The following HYCC2 variants were observed in gnomAD, a reference collection of about 807,000 sequenced individuals.
The protein encoded by HYCC2 is hyccin PI4KA lipid kinase complex subunit 2, also known as hyccin 2.
the HYCC2 span, among the ~76,000 whole-genome samples, chr2:201,071,079 A>C: frequency 1.3e-5 from 2 of 152,172 alleles, no homozygotes; most frequent in East Asian, 3.8e-4. Flanking sequence ...CCCAGGAGGG[A>C]CAACCTAGTT....
chr2:201,024,463 T>A, the HYCC2 span, among the ~76,000 whole-genome samples: 1 of 151,852 alleles, frequency 6.6e-6, no homozygotes, highest in Non-Finnish European at 1.5e-5. Flanking sequence ...CATTCTGGCC[T>A]GGGCGACAGA....
chr2:200,986,455 T>C, the HYCC2 span, among the ~76,000 whole-genome samples: 1 of 152,090 alleles, frequency 6.6e-6, no homozygotes, highest in East Asian at 1.9e-4. Flanking sequence ...AAATAATTTT[T>C]AAAAAAACTG....
chr2:200,976,781 T>G, the HYCC2 span: 1 of 152,168 alleles, frequency 6.6e-6, no homozygotes. Context: ...ATAGAACCTT[T>G]TTCAATCATA....
At chr2:201,022,903 A>G in the HYCC2 span, 15 of 1,613,638 alleles carry the variant, frequency 9.3e-6, no homozygotes, top group Non-Finnish European at 5.1e-6. Flanking sequence ...AAGTTGCTGC[A>G]TAACTGGTGA....
At chr2:201,025,067 C>T in the HYCC2 span, among the ~76,000 whole-genome samples, 1 of 152,132 alleles carries the variant, frequency 6.6e-6, no homozygotes, top group African/African-American at 2.4e-5. Context: ...GAGCCATGTT[C>T]ACACCACTGC....
At chr2:200,996,848 G>C in the HYCC2 span, 1 of 152,034 alleles carries the variant, frequency 6.6e-6, no homozygotes, top group South Asian at 2.1e-4. Context: ...AGATCTCAAA[G>C]TGATTTACAA....
the HYCC2 span, among the ~76,000 whole-genome samples, chr2:201,018,339 T>C: frequency 6.6e-6 from 1 of 152,262 alleles, no homozygotes; most frequent in African/African-American, 2.4e-5. Context: ...TTTTTAAAGT[T>C]TAATACTAAC....
chr2:201,063,562 C>G, the HYCC2 span: 2 of 1,586,100 alleles, frequency 1.3e-6, no homozygotes, highest in Admixed American at 3.3e-5. Flanking sequence ...ACCATGACTC[C>G]GTGGATAAGA....
the HYCC2 span, among the ~76,000 whole-genome samples, chr2:201,027,993 G>A: frequency 3.0e-3 from 463 of 152,254 alleles, 4 homozygotes; most frequent in African/African-American, 0.01. Context: ...GAAATAAAGC[G>A]TATTCAATTA....
At chr2:201,024,278 T>A in the HYCC2 span, among the ~76,000 whole-genome samples, 1 of 152,026 alleles carries the variant, frequency 6.6e-6, no homozygotes, top group Non-Finnish European at 1.5e-5. Context: ...TCACTTGAGC[T>A]CGGAGTTCAA....
At chr2:201,050,936 AAAAC>A in the HYCC2 span, among the ~76,000 whole-genome samples, 17 of 152,158 alleles carry the variant, frequency 1.1e-4, no homozygotes, top group African/African-American at 2.2e-4. Context: ...ACTCCGTCTC[AAAAC>A]AAACAAACAA....
the HYCC2 span, among the ~76,000 whole-genome samples, chr2:201,010,828 T>A: frequency 6.6e-6 from 1 of 151,850 alleles, no homozygotes; most frequent in Non-Finnish European, 1.5e-5. Flanking sequence ...TTTTTAAAAA[T>A]TCATAAAAGA....
the HYCC2 span, among the ~76,000 whole-genome samples, chr2:201,038,401 C>T: frequency 6.6e-6 from 1 of 152,006 alleles, no homozygotes; most frequent in Non-Finnish European, 1.5e-5. Context: ...GGGTATATAC[C>T]CAAAGGAATA....
the HYCC2 span, chr2:200,980,057 C>G: frequency 6.6e-6 from 1 of 152,440 alleles, no homozygotes; most frequent in African/African-American, 2.4e-5. Flanking sequence ...AAGGTCAGTA[C>G]CCCCTGGTAG....
the HYCC2 span, chr2:200,982,017 G>C: frequency 2.6e-6 from 2 of 783,190 alleles, no homozygotes; most frequent in Non-Finnish European, 3.8e-6. Context: ...AATAATTTAG[G>C]GGAAATCTTA....
the HYCC2 span, among the ~76,000 whole-genome samples, chr2:201,039,462 C>T: frequency 8.5e-5 from 13 of 152,244 alleles, no homozygotes; most frequent in African/African-American, 2.6e-4. Flanking sequence ...CTTCAAATAT[C>T]GTCCAGAAAT....
chr2:201,013,846 A>C, the HYCC2 span, among the ~76,000 whole-genome samples: 15 of 152,226 alleles, frequency 9.9e-5, no homozygotes, highest in Admixed American at 6.5e-4. Context: ...TGAAAATGAT[A>C]TGCTAAATTT....
the HYCC2 span, among the ~76,000 whole-genome samples, chr2:201,005,193 T>C: frequency 2.0e-5 from 3 of 152,168 alleles, no homozygotes; most frequent in African/African-American, 7.2e-5. Context: ...TATGAAGGGT[T>C]GGCTTATAGG....
the HYCC2 span, among the ~76,000 whole-genome samples, chr2:201,058,991 G>A: frequency 6.3e-4 from 96 of 152,330 alleles, no homozygotes; most frequent in African/African-American, 2.1e-3. Context: ...CCCCCAAGTA[G>A]AGAGTCAGTT....
Sources: gnomAD v4.1 joint callset for allele counts (sites outside exome capture counted in the v4.1 genomes callset) on GRCh38, gnomAD v4.1.1 for gene constraint, MANE v1.5 for transcripts, NCBI Gene and HGNC (gene_info 2026-07-23, HGNC 2026-07-21) for gene names.